Variants in LINGO2 observed in about 807,000 individuals in gnomAD.
The protein encoded by LINGO2 is leucine rich repeat and Ig domain containing 2.
Under a neutral mutation model 30.6 loss-of-function variants are expected in LINGO2, and 14 were observed. That is an observed-to-expected ratio of 0.46 (90% CI 0.30 to 0.72). The LOEUF (loss-of-function observed/expected upper bound fraction) is 0.72. LINGO2 is among the 30% of genes least tolerant of loss of function. The pLI, the probability that LINGO2 is intolerant of heterozygous loss-of-function variation, is 0.07. For missense variants in LINGO2, 729 were observed against 751.7 expected, an observed-to-expected ratio of 0.97 and a Z score of 0.35; for synonymous variants, 317 against 288.5, an observed-to-expected ratio of 1.10 and a Z score of -1.00.
intron 1 of LINGO2, among the ~76,000 whole-genome samples, chr9:28,647,685 T>C (rs1408003688): frequency 1.3e-5 from 2 of 152,056 alleles, no homozygotes; most frequent in Non-Finnish European, 2.9e-5. Flanking sequence ...TATGTAAAGG[T>C]TATCTTGCCC....
chr9:28,802,701 T>C, the LINGO2 span, among the ~76,000 whole-genome samples: 1 of 151,900 alleles, frequency 6.6e-6, no homozygotes, highest in South Asian at 2.1e-4. Flanking sequence ...AATAAAAGAT[T>C]TAAGTACAGA....
At chr9:29,188,232 G>T in the LINGO2 span, among the ~76,000 whole-genome samples, 1 of 151,640 alleles carries the variant, frequency 6.6e-6, no homozygotes, top group African/African-American at 2.4e-5. Flanking sequence ...TAACGAGCAT[G>T]CTGCCTTCAA....
At chr9:28,308,647 C>G (rs1006345105) in intron 3 of LINGO2, among the ~76,000 whole-genome samples, 2 of 148,132 alleles carry the variant, frequency 1.4e-5, no homozygotes, top group African/African-American at 5.0e-5. Flanking sequence ...AACAGGCAAC[C>G]TACAAAATGG....
intron 4 of LINGO2, among the ~76,000 whole-genome samples, chr9:28,023,709 A>G (rs1017461312): frequency 6.6e-6 from 1 of 152,172 alleles, no homozygotes; most frequent in African/African-American, 2.4e-5. Context: ...GTCTCTTGGC[A>G]TATTTCACAA....
chr9:29,060,964 AT>A, the LINGO2 span, among the ~76,000 whole-genome samples: 1 of 152,024 alleles, frequency 6.6e-6, no homozygotes, highest in African/African-American at 2.4e-5. Flanking sequence ...GCAGAAAAAA[AT>A]ATTTGAAGAA....
chr9:28,505,451 T>C (rs1587771447), intron 1 of LINGO2, among the ~76,000 whole-genome samples: 1 of 151,946 alleles, frequency 6.6e-6, no homozygotes, highest in East Asian at 1.9e-4. Context: ...TATTAAGTTT[T>C]GGAAAGTTGA....
chr9:29,090,113 G>C, the LINGO2 span, among the ~76,000 whole-genome samples: 2 of 151,920 alleles, frequency 1.3e-5, no homozygotes, highest in Non-Finnish European at 1.5e-5. Flanking sequence ...GGAGGTCTTT[G>C]TTTATTGAAT....
chr9:28,435,043 T>C (rs1823868299), intron 2 of LINGO2, among the ~76,000 whole-genome samples: 1 of 152,164 alleles, frequency 6.6e-6, no homozygotes, highest in South Asian at 2.1e-4. Context: ...ACTTTTTTTC[T>C]CTTTAGCAGA....
the LINGO2 span, among the ~76,000 whole-genome samples, chr9:29,000,865 A>C: frequency 3.9e-5 from 6 of 152,142 alleles, no homozygotes; most frequent in East Asian, 1.2e-3. Flanking sequence ...ACCGTGTTCC[A>C]TGATTCTTGG....
chr9:28,369,401 A>T (rs2134558480), intron 3 of LINGO2, among the ~76,000 whole-genome samples: 1 of 152,276 alleles, frequency 6.6e-6, no homozygotes, highest in African/African-American at 2.4e-5. Context: ...AGCTCACACC[A>T]TGTTTAATTA....
chr9:28,299,732 A>G (rs1260164690), intron 3 of LINGO2, among the ~76,000 whole-genome samples: 1 of 152,174 alleles, frequency 6.6e-6, no homozygotes, highest in Non-Finnish European at 1.5e-5. Flanking sequence ...ATAGTGCTGT[A>G]CCGTATTAAC....
At chr9:29,029,454 G>C in the LINGO2 span, among the ~76,000 whole-genome samples, 3 of 152,006 alleles carry the variant, frequency 2.0e-5, no homozygotes, top group African/African-American at 4.8e-5. Context: ...CTTGAAAATG[G>C]GTAGCAGAGA....
the LINGO2 span, among the ~76,000 whole-genome samples, chr9:28,899,024 T>C: frequency 1.3e-5 from 2 of 150,720 alleles, no homozygotes; most frequent in African/African-American, 4.9e-5. Flanking sequence ...AGTGTTTGTC[T>C]CTCACGGAAA....
intron 4 of LINGO2, among the ~76,000 whole-genome samples, chr9:28,104,492 A>C (rs1457256782): frequency 6.6e-6 from 1 of 151,818 alleles, no homozygotes; most frequent in Non-Finnish European, 1.5e-5. Context: ...CGCAAACCTA[A>C]TTCTCATTCC....
rs577285239 is a variant in LINGO2, at chr9:28,498,644, G to A, written c.-364-22619C>T. ...CCTCGTCCTGCTTCCGCTCACACTC[G>A]GTGGGCTGCACCCACTGTCCTGCAC... is the stretch of plus-strand genomic sequence containing the variant. On this transcript the variant is annotated intron_variant, in intron 1 of 5. Transcript: ENST00000379992. 5.9e-5 allele frequency among the ~76,000 whole-genome samples: 9 copies of A among 152,168 alleles called. No homozygotes were observed. In the East Asian group the frequency reaches 7.8e-4, roughly 13 times the overall value.
chr9:28,780,490 G>A, the LINGO2 span, among the ~76,000 whole-genome samples: 3 of 152,012 alleles, frequency 2.0e-5, no homozygotes, highest in African/African-American at 7.3e-5. Flanking sequence ...ACCACAACTG[G>A]TTAAAAGAAA....
At chr9:28,106,629 C>G (rs73443964) in intron 4 of LINGO2, among the ~76,000 whole-genome samples, 2,130 of 152,248 alleles carry the variant, frequency 0.014, 63 homozygotes, top group African/African-American at 0.048. Context: ...CCTTCAGCAT[C>G]TCTTCACAGC....
chr9:28,089,240 AC>A (rs1826003622), intron 4 of LINGO2, among the ~76,000 whole-genome samples: 1 of 152,158 alleles, frequency 6.6e-6, no homozygotes, highest in African/African-American at 2.4e-5. Flanking sequence ...AGAACTCTCC[AC>A]CCCAAATCAA....
chr9:28,646,345 C>T (rs1340794217), intron 1 of LINGO2, among the ~76,000 whole-genome samples: 1 of 152,066 alleles, frequency 6.6e-6, no homozygotes, highest in Non-Finnish European at 1.5e-5. Context: ...GATAGTCATT[C>T]TAAGGCACAC....
Sources: allele counts gnomAD v4.1 joint callset (sites outside exome capture counted in the v4.1 genomes callset), GRCh38; gene constraint gnomAD v4.1.1; transcripts MANE v1.5; gene names NCBI Gene and HGNC (gene_info 2026-07-23, HGNC 2026-07-21).